The following SKAP2 variants were observed in gnomAD, a reference collection of about 807,000 sequenced individuals.
The protein encoded by SKAP2 is src kinase-associated phosphoprotein 2.
SKAP2 carries 28 observed loss-of-function variants against 54.9 expected under a neutral mutation model. The ratio of observed to expected loss-of-function variants is 0.51; its 90% CI spans 0.38 to 0.70. The LOEUF is 0.70. Ranked by LOEUF, SKAP2 falls within the 30% of genes least tolerant of loss-of-function variation. The probability of loss-of-function intolerance (pLI) is 0.00; values close to 1 mark genes in which losing one functional copy is unlikely to be tolerated. For missense variants in SKAP2, 356 were observed against 424.1 expected, an observed-to-expected ratio of 0.84 and a Z score of 1.41; for synonymous variants, 137 against 134.3, an observed-to-expected ratio of 1.02 and a Z score of -0.14.
intron 9 of SKAP2, among the ~76,000 whole-genome samples, chr7:26,693,721 A>G (rs1019990946): frequency 6.6e-6 from 1 of 152,168 alleles, no homozygotes; most frequent in Non-Finnish European, 1.5e-5. Flanking sequence ...TCCTTTTTCC[A>G]TTTTAAACCT....
intron 1 of SKAP2, chr7:26,857,914 T>G (rs1413194800): frequency 1.2e-5 from 2 of 166,486 alleles, no homozygotes; most frequent in African/African-American, 4.8e-5. Context: ...GTTAGCCTTC[T>G]TCTACCTTCC....
At chr7:26,719,397 A>G (rs1787530658) in intron 9 of SKAP2, among the ~76,000 whole-genome samples, 1 of 152,126 alleles carries the variant, frequency 6.6e-6, no homozygotes, top group Admixed American at 6.6e-5. Flanking sequence ...AAAAAGATAG[A>G]GAAGTCACAT....
chr7:26,774,705 T>C (rs1452216210), intron 4 of SKAP2, among the ~76,000 whole-genome samples: 3 of 152,098 alleles, frequency 2.0e-5, no homozygotes, highest in Non-Finnish European at 4.4e-5. Context: ...TTCTAAAACT[T>C]TGGATTTCAA....
chr7:26,823,203 A>G (rs1423040266), intron 4 of SKAP2, among the ~76,000 whole-genome samples: 1 of 152,098 alleles, frequency 6.6e-6, no homozygotes, highest in East Asian at 1.9e-4. Flanking sequence ...AGGCAGGAGG[A>G]TTACCTGCAG....
chr7:26,810,209 C>T (rs75817707), intron 4 of SKAP2, among the ~76,000 whole-genome samples: 6,702 of 152,016 alleles, frequency 0.044, 490 homozygotes, highest in African/African-American at 0.15. Flanking sequence ...GTGGTACACC[C>T]TTGTAGTCCT....
At chr7:26,847,866 T>C (rs1363992982) in intron 3 of SKAP2, 1 of 152,216 alleles carries the variant, frequency 6.6e-6, no homozygotes, top group African/African-American at 2.4e-5. Context: ...ACAAGGATAA[T>C]GATGGGGTTG....
chr7:26,842,634 T>C (rs927057063), intron 4 of SKAP2, among the ~76,000 whole-genome samples: 7 of 151,472 alleles, frequency 4.6e-5, no homozygotes, highest in Non-Finnish European at 8.9e-5. Context: ...TGTCTGTGTA[T>C]GTGTATACAC....
chr7:26,747,301 G>C (rs1230541032), intron 4 of SKAP2, among the ~76,000 whole-genome samples: 1 of 152,114 alleles, frequency 6.6e-6, no homozygotes, highest in Non-Finnish European at 1.5e-5. Context: ...ACCATGCTTT[G>C]ACATAAAGAT....
chr7:26,851,441 G>A (rs966075187), intron 3 of SKAP2, among the ~76,000 whole-genome samples: 2 of 151,842 alleles, frequency 1.3e-5, no homozygotes, highest in African/African-American at 4.8e-5. Flanking sequence ...GAGAGACCCT[G>A]TCTTCTCAGC....
intron 3 of SKAP2, among the ~76,000 whole-genome samples, chr7:26,847,106 A>G (rs1784939343): frequency 6.6e-6 from 1 of 151,984 alleles, no homozygotes; most frequent in African/African-American, 2.4e-5. Context: ...TTTTTAAATC[A>G]GTGTGATGTT....
At chr7:26,851,197 C>G (rs914990514) in intron 3 of SKAP2, among the ~76,000 whole-genome samples, 4 of 148,370 alleles carry the variant, frequency 2.7e-5, no homozygotes, top group Admixed American at 6.9e-5. Context: ...GGCAGCTGAT[C>G]TCTTTAGCCC....
At position 26,864,534 on chromosome 7, in the gene SKAP2, G is replaced by A; in HGVS notation, c.-105C>T. 2 of 1,473,632 alleles carry A rather than the reference G, an allele frequency of 1.4e-6. No homozygotes were observed. The highest frequency in any genetic ancestry group is 9.0e-7 in the Non-Finnish European group (1 of 1,113,558). 91.3% of individuals were successfully genotyped at this position (1,473,632 alleles called of 1,614,324 possible). A position where few individuals can be genotyped will look rare whatever the true frequency, so the allele number is the denominator to read the frequency against. On this transcript the variant is annotated 5_prime_UTR_variant, in exon 1 of 13. Coordinates refer to ENST00000345317, the MANE Select transcript of SKAP2 (RefSeq NM_003930.5). ...GACTCAGGCTAGCGGCCCGGATTAAGAACAGCGGGGCTACGAGTCGGGACA... is the reference window on the plus strand; with the variant it reads ...GACTCAGGCTAGCGGCCCGGATTAAAAACAGCGGGGCTACGAGTCGGGACA...
intron 6 of SKAP2, among the ~76,000 whole-genome samples, chr7:26,735,633 A>G (rs906849627): frequency 1.3e-5 from 2 of 152,228 alleles, no homozygotes; most frequent in African/African-American, 4.8e-5. Context: ...CTGTGCCTCT[A>G]TAATCCATTT....
chr7:26,790,724 T>C (rs964264397), intron 4 of SKAP2, among the ~76,000 whole-genome samples: 10 of 152,224 alleles, frequency 6.6e-5, no homozygotes, highest in Admixed American at 2.0e-4. Flanking sequence ...TTGGAGATTC[T>C]AAACAAATAT....
intron 4 of SKAP2, among the ~76,000 whole-genome samples, chr7:26,828,413 A>C (rs680704): frequency 0.69 from 104,392 of 151,866 alleles, 36,330 homozygotes; most frequent in East Asian, 0.95. Flanking sequence ...CGCGGTGGCT[A>C]ACACCTGTAA....
At chr7:26,792,309 C>T (rs550248457) in intron 4 of SKAP2, among the ~76,000 whole-genome samples, 1 of 152,278 alleles carries the variant, frequency 6.6e-6, no homozygotes, top group African/African-American at 2.4e-5. Context: ...CAAAACTCAT[C>T]ACATTGTTCA....
the SKAP2 span, among the ~76,000 whole-genome samples, chr7:26,658,829 C>CA: frequency 6.9e-6 from 1 of 145,046 alleles, no homozygotes; most frequent in East Asian, 2.1e-4. Context: ...ACCCACCCCC[C>CA]ACCCCCCCAC....
chr7:26,739,634 A>T (rs769049220), intron 5 of SKAP2, among the ~76,000 whole-genome samples: 1 of 152,240 alleles, frequency 6.6e-6, no homozygotes, highest in Non-Finnish European at 1.5e-5. Context: ...TTTGAGAGGC[A>T]GGAAACAGCT....
At chr7:26,726,770 T>G (rs1204821774) in intron 7 of SKAP2, 112 bp downstream of exon 7, 2 of 890,736 alleles carry the variant, frequency 2.2e-6, no homozygotes, top group East Asian at 6.1e-5. Context: ...AACATCAGTA[T>G]TTTTATTATT....
Sources: allele counts gnomAD v4.1 joint callset (sites outside exome capture counted in the v4.1 genomes callset), GRCh38; gene constraint gnomAD v4.1.1; transcripts MANE v1.5; gene names NCBI Gene and HGNC (gene_info 2026-07-23, HGNC 2026-07-21).